Variants in COPRS observed in about 807,000 individuals in gnomAD.
The protein encoded by COPRS is coordinator of PRMT5 and differentiation stimulator, also known as cooperator of PRMT5.
Under a neutral mutation model 19.9 loss-of-function variants are expected in COPRS, and 11 were observed. That is an observed-to-expected ratio of 0.55 (90% CI 0.35 to 0.92). The LOEUF (loss-of-function observed/expected upper bound fraction) is 0.92, where lower values mean the gene tolerates loss of function less well. COPRS is among the 40% of genes least tolerant of loss of function. The pLI is 0.01. For synonymous variants in COPRS, 81 were observed against 82.7 expected (o/e 0.98, Z 0.11); for missense variants, 225 against 229.9 (o/e 0.98, Z 0.14).
At chr17:31,856,460 A>C in intron 2 of COPRS, 1 of 296,378 alleles carries the variant, frequency 3.4e-6, no homozygotes, top group South Asian at 3.8e-5. Flanking sequence ...TATCAGAAAT[A>C]GTATATATAG....
intron 1 of COPRS, among the ~76,000 whole-genome samples, 175 bp from the exon 2 acceptor site, chr17:31,857,040 A>T (rs1909380325): frequency 6.6e-6 from 1 of 152,158 alleles, no homozygotes; most frequent in Non-Finnish European, 1.5e-5. Flanking sequence ...CTGGAGGGAG[A>T]TGGGCCTTGT....
chr17:31,854,320 A>G (rs1038506638), intron 2 of COPRS, among the ~76,000 whole-genome samples: 1 of 145,290 alleles, frequency 6.9e-6, no homozygotes, highest in Non-Finnish European at 1.5e-5. Context: ...CAGTGAGCCA[A>G]GATCGTGCCA....
chr17:31,855,147 G>A (rs1018435558), intron 2 of COPRS, among the ~76,000 whole-genome samples: 2 of 151,994 alleles, frequency 1.3e-5, no homozygotes, highest in African/African-American at 2.4e-5. Context: ...AGGCCGAGGT[G>A]GGCGGATCAC....
At position 31,852,097 on chromosome 17, in the gene COPRS, G is replaced by C. The variant is rs548598623; in HGVS notation, c.*42C>G. 2 of 1,610,416 alleles carry C rather than the reference G, an allele frequency of 1.2e-6. No homozygotes were observed. The highest frequency in any genetic ancestry group is 1.7e-5 in the Admixed American group (1 of 59,916). On this transcript the variant is annotated 3_prime_UTR_variant, in exon 4 of 4. Coordinates refer to ENST00000302362, the MANE Select transcript of COPRS (RefSeq NM_018405.4). Reference sequence around the variant, plus strand: ...CCTCCAAGACAGGAAAAGAGATCTTGACGTGGAGGCCCGCCCACCTACAAG... The same window carrying C: ...CCTCCAAGACAGGAAAAGAGATCTTCACGTGGAGGCCCGCCCACCTACAAG...
At chr17:31,858,467 A>C (rs1909428559) in intron 1 of COPRS, 4 of 943,266 alleles carry the variant, frequency 4.2e-6, no homozygotes, top group Non-Finnish European at 1.3e-6. Flanking sequence ...CAGCCCTAAC[A>C]GAGGGTTCCT....
intron 3 of COPRS, among the ~76,000 whole-genome samples, chr17:31,852,593 AAC>A (rs1909199502): frequency 6.6e-6 from 1 of 152,186 alleles, no homozygotes; most frequent in Non-Finnish European, 1.5e-5. Context: ...TGGAGAGAGT[AAC>A]AGTTTTGACT....
chr17:31,852,369 ACGG>A, intron 3 of COPRS, 61 bp from the exon 4 acceptor site: 3 of 1,371,958 alleles, frequency 2.2e-6, no homozygotes, highest in Admixed American at 2.0e-5. Flanking sequence ...GAAGGTAAAA[ACGG>A]ACAGCCAAAA....
chr17:31,858,748 C>T, intron 1 of COPRS: 1 of 1,550,286 alleles, frequency 6.5e-7, no homozygotes, highest in South Asian at 1.2e-5. Flanking sequence ...CCTCTCCTCG[C>T]CGCCCTCACC....
intron 3 of COPRS, 45 bp downstream of exon 3, chr17:31,852,767 G>T: frequency 1.4e-6 from 2 of 1,398,604 alleles, no homozygotes; most frequent in Non-Finnish European, 2.0e-6. Flanking sequence ...TGACAGGTGT[G>T]TCTGAGAAGG....
Position 31,851,916 on chromosome 17 carries a change from C to T in COPRS, c.*223G>A. On this transcript the variant is annotated 3_prime_UTR_variant, in exon 4 of 4. Coordinates refer to ENST00000302362, the MANE Select transcript of COPRS (RefSeq NM_018405.4). ...TTACAAAGAACACAACTCCTCTTGA[C>T]ACAAACACACACACATTTCAAGGAG... 1 of 520,828 alleles carries T rather than the reference C, an allele frequency of 1.9e-6. No homozygotes were observed. Among genetic ancestry groups the T allele is most frequent in the Non-Finnish European group, 3.4e-6 (1 of 292,102 alleles). The allele number at this position is 520,828 out of a possible 1,614,324, so 32.3% of individuals were successfully genotyped here.
At chr17:31,858,921 C>T in intron 1 of COPRS, 180 bp downstream of exon 1, 5 of 1,469,684 alleles carry the variant, frequency 3.4e-6, no homozygotes, top group African/African-American at 1.5e-5. Flanking sequence ...AGCCCCGCGG[C>T]CCCGCGGCCT....
rs150220893 is a variant in COPRS, at chr17:31,853,028, G to C, written c.169C>G (p.Arg57Gly). The C allele has an allele frequency of 6.2e-7, 1 of 1,610,442 alleles. No homozygotes were observed. Among genetic ancestry groups the C allele is most frequent in the Non-Finnish European group, 8.5e-7 (1 of 1,176,834 alleles). Residue 57 changes from arginine to glycine, a missense_variant and splice_region_variant, in exon 3 of 4, where the codon CGT (arginine) becomes GGT (glycine). Arg to Gly is a moderately radical substitution (Grantham distance 125). Around this residue, in one of 3 missense-constraint regions of COPRS, gnomAD observed 170 missense variants for 171.4 expected, o/e 0.99. Coordinates refer to ENST00000302362, the MANE Select transcript of COPRS (RefSeq NM_018405.4). Reference protein sequence around the residue: ...ETEKAMDRLARGTQSIPNDSP... With the variant: ...ETEKAMDRLAGGTQSIPNDSP... ...TCATTAGGAATGCTCTGTGTTCCAC[G>C]GGCTAAATTGACAAAGAGAAGATGG...
At chr17:31,858,274 G>T in intron 1 of COPRS, 1 of 705,808 alleles carries the variant, frequency 1.4e-6, no homozygotes, top group Non-Finnish European at 1.7e-6. Flanking sequence ...CTCTCACCTT[G>T]ATCCTTTCCT....
chr17:31,856,882 T>C lies in COPRS; in HGVS notation c.100-17A>G, dbSNP rs201891785. ...AAAGCCAGCCTGCAGGAAGAAGAAA[T>C]GATTACCAAGGACTTGGGTATCTGG... On this transcript the variant is annotated splice_polypyrimidine_tract_variant and intron_variant, in intron 1 of 3. Coordinates refer to ENST00000302362, the MANE Select transcript of COPRS (RefSeq NM_018405.4). The C allele has an allele frequency of 1.9e-6, 3 of 1,552,656 alleles. No homozygotes were observed. Among genetic ancestry groups the C allele is most frequent in the Non-Finnish European group, 2.7e-6 (3 of 1,125,808 alleles).
Position 31,852,211 on chromosome 17 carries a change from A to G in COPRS, c.483T>C (p.His161=). 1.2e-6 allele frequency: 2 copies of G among 1,614,124 alleles called. No individual in the cohort carries two copies. Among genetic ancestry groups the G allele is most frequent in the South Asian group, 1.1e-5 (1 of 91,082 alleles). Residue 161 remains histidine, a synonymous_variant, in exon 4 of 4, where the codon CAT becomes CAC. Coordinates refer to ENST00000302362, the MANE Select transcript of COPRS (RefSeq NM_018405.4). ...AATAATAGGGTATCAGTGGAGGCGG[A>G]TGGTGCCAGCTGGGGTCATAGATCA... ...GDMIYDPSWH[H]PPPLIPYYSK...
Position 31,852,811 on chromosome 17 carries a change from C to A in COPRS, c.385+1G>T. The A allele has an allele frequency of 6.2e-7, 1 of 1,609,634 alleles. No individual in the cohort carries two copies. The highest frequency in any genetic ancestry group is 8.5e-7 in the Non-Finnish European group (1 of 1,175,960). The stretch of plus-strand genomic sequence containing the variant: ...AGGACCCCCAGAGACTCCACACCTA[C>A]CATATGGATTCCCTTGATCTGCTTT... On this transcript the variant is annotated splice_donor_variant, in intron 3 of 3. Transcript: ENST00000302362. LOFTEE classifies it high-confidence loss of function.
intron 3 of COPRS, 96 bp from the exon 4 acceptor site, chr17:31,852,404 C>T: frequency 1.1e-6 from 1 of 888,420 alleles, no homozygotes. Context: ...GGGGACAGAT[C>T]CTTGCACTTA....
At chr17:31,858,346 G>C (rs1909425393) in intron 1 of COPRS, 1 of 984,766 alleles carries the variant, frequency 1.0e-6, no homozygotes, top group African/African-American at 1.7e-5. Flanking sequence ...TTCTTTGTAA[G>C]TGTCGCTGCA....
chr17:31,859,183 G>C lies in COPRS; in HGVS notation c.17C>G (p.Ala6Gly). The change falls in exon 1 of 4, where the codon GCC (alanine) becomes GGC (glycine). Residue 6 changes from alanine to glycine, a missense_variant. Ala to Gly is a moderately conservative substitution (Grantham distance 60, BLOSUM62 0). This residue lies in a region of COPRS where 51 missense variants were observed against 39.2 expected (regional missense o/e 1.30). Coordinates refer to ENST00000302362, the MANE Select transcript of COPRS (RefSeq NM_018405.4). The stretch of plus-strand genomic sequence containing the variant: ...CGCGGCCCCCTGCGCCTGGGCCCCG[G>C]CGGCCTGAAGGTCCATGCCCTGCGG... MDLQA[A>G]GAQAQGAAEP... 9.4e-7 allele frequency: 1 copy of C among 1,060,316 alleles called. No individual in the cohort carries two copies. The highest frequency in any genetic ancestry group is 1.1e-6 in the Non-Finnish European group (1 of 878,934). The allele number at this position is 1,060,316 out of a possible 1,614,324, so 65.7% of individuals were successfully genotyped here.
Sources: allele counts gnomAD v4.1 joint callset (sites outside exome capture counted in the v4.1 genomes callset), GRCh38; gene constraint gnomAD v4.1.1; regional missense constraint gnomAD v4.1.1; transcripts MANE v1.5; gene names NCBI Gene and HGNC (gene_info 2026-07-23, HGNC 2026-07-21).